RNGTT: variants seen among roughly 807,000 people sequenced by gnomAD.
RNGTT encodes mRNA-capping enzyme.
A neutral mutation model predicts 79.3 loss-of-function variants in RNGTT; 33 were observed. The observed-to-expected ratio is 0.42, with a 90% CI of 0.32 to 0.56. The LOEUF (loss-of-function observed/expected upper bound fraction) is 0.56. Among genes scored for constraint, RNGTT ranks in the 20% least tolerant of loss-of-function variants. The probability of loss-of-function intolerance (pLI) is 0.17; values close to 1 mark genes in which losing one functional copy is unlikely to be tolerated. For missense variants in RNGTT, 497 were observed against 739.1 expected (o/e 0.67, Z 3.80); for synonymous variants, 222 against 235.9 (o/e 0.94, Z 0.54).
intron 2 of RNGTT, among the ~76,000 whole-genome samples, chr6:88,934,325 T>C (rs137971428): frequency 4.6e-5 from 7 of 152,318 alleles, no homozygotes; most frequent in African/African-American, 1.7e-4. Flanking sequence ...CATGAGCCAC[T>C]GTACCTAGTC....
At chr6:88,771,313 G>GTGTGTGTA (rs1778659249) in intron 12 of RNGTT, among the ~76,000 whole-genome samples, 1 of 47,710 alleles carries the variant, frequency 2.1e-5, no homozygotes, top group African/African-American at 7.1e-5. Context: ...ATGTGTGTGT[G>GTGTGTGTA]TGTATATATA....
chr6:88,939,618 ATTT>A (rs1174184585), intron 2 of RNGTT, among the ~76,000 whole-genome samples: 1 of 151,848 alleles, frequency 6.6e-6, no homozygotes, highest in Non-Finnish European at 1.5e-5. Flanking sequence ...CATTTCATGA[ATTT>A]TTTTATTATG....
intron 11 of RNGTT, among the ~76,000 whole-genome samples, chr6:88,823,655 A>G (rs553753822): frequency 1.3e-5 from 2 of 152,350 alleles, no homozygotes; most frequent in South Asian, 4.1e-4. Context: ...AAATAGACTA[A>G]TGGATGGATA....
rs376494086 is a variant in RNGTT, at chr6:88,723,815, C to T, written c.1440-45396G>A. On this transcript the variant is annotated intron_variant, in intron 13 of 15. Transcript: ENST00000369485. Reference sequence around the variant, plus strand: ...TGTGGGCTCATTGCAACCTCCGCCTCCCAGGTTCAAGCGATTCTCCTGCCT... The same window carrying T: ...TGTGGGCTCATTGCAACCTCCGCCTTCCAGGTTCAAGCGATTCTCCTGCCT... Among the ~76,000 whole-genome samples the T allele has an allele frequency of 1.1e-4, 16 of 152,190 alleles. No individual in the cohort carries two copies. In the East Asian group the frequency reaches 1.7e-3, roughly 17 times the overall value.
At chr6:88,706,034 TAAAG>T (rs1473521814) in intron 13 of RNGTT, among the ~76,000 whole-genome samples, 1 of 151,930 alleles carries the variant, frequency 6.6e-6, no homozygotes, top group Non-Finnish European at 1.5e-5. Flanking sequence ...ATCCCAACAA[TAAAG>T]AGACTTCAGT....
At position 88,923,508 on chromosome 6, in the gene RNGTT, T is replaced by C. The variant is rs189856908; in HGVS notation, c.367+5477A>G. On this transcript the variant is annotated intron_variant, in intron 4 of 15. Transcript: ENST00000369485. ...TCCAATCCTTGACACTAACAGACAT[T>C]ATAATTTTTTTTTCCAAGAAGGAAA... Among the ~76,000 whole-genome samples the C allele has an allele frequency of 3.7e-3, 567 of 152,200 alleles. 3 individuals carry two copies. The highest frequency in any genetic ancestry group is 4.6e-3 in the Non-Finnish European group (310 of 68,012).
chr6:88,787,331 C>T (rs965801326), intron 12 of RNGTT, among the ~76,000 whole-genome samples: 1 of 152,030 alleles, frequency 6.6e-6, no homozygotes, highest in Admixed American at 6.5e-5. Context: ...AAGGAGAAAG[C>T]ACTAGAGATT....
At chr6:88,901,319 A>G (rs924221528) in intron 6 of RNGTT, among the ~76,000 whole-genome samples, 70 of 151,974 alleles carry the variant, frequency 4.6e-4, no homozygotes, top group African/African-American at 1.6e-3. Context: ...TACACCACGC[A>G]GGATAAATAC....
intron 14 of RNGTT, among the ~76,000 whole-genome samples, chr6:88,635,372 C>T (rs1662495122): frequency 6.6e-6 from 1 of 152,146 alleles, no homozygotes; most frequent in African/African-American, 2.4e-5. Flanking sequence ...TAAATCAGGC[C>T]TTCCAACTGA....
intron 13 of RNGTT, among the ~76,000 whole-genome samples, chr6:88,755,024 C>T (rs1777963106): frequency 6.6e-6 from 1 of 152,114 alleles, no homozygotes; most frequent in African/African-American, 2.4e-5. Context: ...TCTTTAATTT[C>T]TCTAGCGCCA....
chr6:88,646,325 T>C (rs1316426805), intron 14 of RNGTT, among the ~76,000 whole-genome samples: 2 of 152,138 alleles, frequency 1.3e-5, no homozygotes, highest in African/African-American at 4.8e-5. Flanking sequence ...ATGGCGATCA[T>C]TAAAAAGTCA....
chr6:88,721,541 CCTTAA>C (rs1394433427), intron 13 of RNGTT, among the ~76,000 whole-genome samples: 2 of 152,052 alleles, frequency 1.3e-5, no homozygotes, highest in Non-Finnish European at 2.9e-5. Flanking sequence ...TCTACAATGT[CCTTAA>C]CTTGACTGTA....
intron 14 of RNGTT, among the ~76,000 whole-genome samples, chr6:88,641,906 T>C (rs1773334731): frequency 6.6e-6 from 1 of 152,184 alleles, no homozygotes; most frequent in Admixed American, 6.5e-5. Flanking sequence ...ACAGGAGAAG[T>C]ATATGTATTT....
At chr6:88,765,358 A>G (rs1778425406) in intron 13 of RNGTT, among the ~76,000 whole-genome samples, 1 of 152,130 alleles carries the variant, frequency 6.6e-6, no homozygotes, top group African/African-American at 2.4e-5. Context: ...TGACTTAACC[A>G]TACATTCTGC....
At chr6:88,795,136 T>C (rs1280501932) in intron 12 of RNGTT, among the ~76,000 whole-genome samples, 1 of 152,224 alleles carries the variant, frequency 6.6e-6, no homozygotes, top group Non-Finnish European at 1.5e-5. Context: ...AATATGTATG[T>C]GTCAATTTTG....
chr6:88,798,200 C>T (rs1406833434), intron 12 of RNGTT, among the ~76,000 whole-genome samples: 2 of 152,036 alleles, frequency 1.3e-5, no homozygotes, highest in South Asian at 2.1e-4. Flanking sequence ...TACAGTGGCT[C>T]ATACCTGTAA....
chr6:88,817,749 A>ATTTTTT lies in RNGTT; in HGVS notation c.1270-16123_1270-16118dup, dbSNP rs71554802. The stretch of plus-strand genomic sequence containing the variant: ...TTCACCATCCAAGTCTATTCACATC[A>ATTTTTT]TTTTTTTTTTTTTTTTTTTTTTTTT... On this transcript the variant is annotated intron_variant, in intron 11 of 15. Coordinates refer to ENST00000369485, the MANE Select transcript of RNGTT (RefSeq NM_003800.5). Among the ~76,000 whole-genome samples the ATTTTTT allele has an allele frequency of 2.4e-3, 174 of 71,576 alleles. 28 individuals carry two copies. The highest frequency in any genetic ancestry group is 2.2e-3 in the Non-Finnish European group (84 of 37,454). The allele number at this position is 71,576 out of a possible 152,430, so 47.0% of individuals were successfully genotyped here.
intron 4 of RNGTT, among the ~76,000 whole-genome samples, chr6:88,927,444 C>T (rs2127952814): frequency 6.6e-6 from 1 of 152,240 alleles, no homozygotes; most frequent in Non-Finnish European, 1.5e-5. Context: ...GGGCAGATCA[C>T]CTGAGGTTGG....
intron 12 of RNGTT, among the ~76,000 whole-genome samples, chr6:88,788,578 TC>T (rs1448131576): frequency 6.6e-6 from 1 of 152,164 alleles, no homozygotes; most frequent in Non-Finnish European, 1.5e-5. Flanking sequence ...AAACATAATC[TC>T]ATCTACAAGC....
Sources: allele counts gnomAD v4.1 joint callset (sites outside exome capture counted in the v4.1 genomes callset), GRCh38; gene constraint gnomAD v4.1.1; transcripts MANE v1.5; gene names NCBI Gene and HGNC (gene_info 2026-07-23, HGNC 2026-07-21).